Variants in RBMS3 observed in about 807,000 individuals in gnomAD.
RBMS3 encodes RNA binding motif single stranded interacting protein 3, also known as RNA-binding motif, single-stranded-interacting protein 3.
A neutral mutation model predicts 66.8 loss-of-function variants in RBMS3; 27 were observed. That is an observed-to-expected ratio of 0.40 (90% confidence interval 0.30 to 0.56). The LOEUF is 0.56. Among genes scored for constraint, RBMS3 ranks in the 20% least tolerant of loss-of-function variants. The pLI is 0.40. For missense variants in RBMS3, 513 were observed against 549.5 expected, an observed-to-expected ratio of 0.93 and a Z score of 0.66; for synonymous variants, 188 against 183.0, an observed-to-expected ratio of 1.03 and a Z score of -0.22.
intron 1 of RBMS3, among the ~76,000 whole-genome samples, chr3:29,401,159 C>T (rs184568909): frequency 2.0e-5 from 3 of 151,898 alleles, no homozygotes; most frequent in Non-Finnish European, 4.4e-5. Flanking sequence ...CAATCCAGTT[C>T]GCTAGGAGTT....
At chr3:29,913,232 A>G (rs2060559904) in intron 10 of RBMS3, among the ~76,000 whole-genome samples, 1 of 152,016 alleles carries the variant, frequency 6.6e-6, no homozygotes, top group Non-Finnish European at 1.5e-5. Context: ...GCATAAATTG[A>G]TGATTTGGCA....
chr3:29,521,964 T>C (rs1036817999), intron 3 of RBMS3, among the ~76,000 whole-genome samples: 1 of 152,232 alleles, frequency 6.6e-6, no homozygotes, highest in African/African-American at 2.4e-5. Context: ...TTAATTTGGT[T>C]TGGCCATGCA....
At chr3:29,743,099 T>C (rs988183371) in intron 5 of RBMS3, among the ~76,000 whole-genome samples, 12 of 152,180 alleles carry the variant, frequency 7.9e-5, no homozygotes, top group Admixed American at 2.0e-4. Flanking sequence ...TTAGCCTAAT[T>C]TGATGGGGTG....
intron 10 of RBMS3, among the ~76,000 whole-genome samples, chr3:29,917,061 A>G (rs2060654843): frequency 1.3e-5 from 2 of 152,036 alleles, no homozygotes; most frequent in South Asian, 2.1e-4. Flanking sequence ...TCATTCCTCT[A>G]TTCATTCAAC....
chr3:29,762,916 G>A lies in RBMS3; in HGVS notation c.564G>A (p.Glu188=). ...VSRGVGFARM[E]STEKCEVVIQ... ...GTTTACCTTTTTTTCCCAGAATGGA[G>A]TCTACTGAAAAATGTGAAGTGGTAA... The change falls in exon 6 of 15, where the codon GAG becomes GAA. Residue 188 remains glutamate, a synonymous_variant. Transcript: ENST00000383767. 2.5e-6 allele frequency: 4 copies of A among 1,604,882 alleles called. No homozygotes were observed. The highest frequency in any genetic ancestry group is 1.3e-5 in the African/African-American group (1 of 74,528).
At chr3:29,618,861 CAAG>C (rs1159143739) in intron 4 of RBMS3, among the ~76,000 whole-genome samples, 1 of 152,116 alleles carries the variant, frequency 6.6e-6, no homozygotes, top group Non-Finnish European at 1.5e-5. Context: ...CCTATTCCAA[CAAG>C]AACAATGACA....
intron 3 of RBMS3, among the ~76,000 whole-genome samples, chr3:29,555,633 A>G (rs35885): frequency 0.54 from 82,369 of 151,964 alleles, 23,032 homozygotes; most frequent in Middle Eastern, 0.66. Flanking sequence ...AAGAAATCAG[A>G]ATGTTTATCC....
At chr3:29,310,730 A>G (rs564450126) in intron 1 of RBMS3, among the ~76,000 whole-genome samples, 50 of 151,832 alleles carry the variant, frequency 3.3e-4, no homozygotes, top group African/African-American at 1.0e-3. Context: ...GAAGGGAAAG[A>G]TCACTCAAGA....
intron 1 of RBMS3, among the ~76,000 whole-genome samples, chr3:29,358,821 G>T (rs1459260624): frequency 6.6e-6 from 1 of 152,160 alleles, no homozygotes; most frequent in African/African-American, 2.4e-5. Flanking sequence ...GTGAATGGGA[G>T]TTCACTCATG....
chr3:29,557,858 G>A (rs550387737), intron 3 of RBMS3, among the ~76,000 whole-genome samples: 68 of 152,328 alleles, frequency 4.5e-4, no homozygotes, highest in South Asian at 1.2e-3. Context: ...CTGAAGACAA[G>A]AGGAAGAGCA....
intron 12 of RBMS3, among the ~76,000 whole-genome samples, chr3:29,956,404 T>C (rs1207067744): frequency 6.6e-6 from 1 of 152,118 alleles, no homozygotes; most frequent in Non-Finnish European, 1.5e-5. Flanking sequence ...CCTCGCTATC[T>C]TCTCTCCAAC....
At chr3:29,807,489 A>G (rs2057593348) in intron 6 of RBMS3, among the ~76,000 whole-genome samples, 1 of 151,964 alleles carries the variant, frequency 6.6e-6, no homozygotes, top group African/African-American at 2.4e-5. Context: ...TCCCACAGAA[A>G]TAATAGCATG....
At chr3:29,664,025 T>G (rs1253275089) in intron 4 of RBMS3, among the ~76,000 whole-genome samples, 2 of 152,182 alleles carry the variant, frequency 1.3e-5, no homozygotes, top group Non-Finnish European at 2.9e-5. Context: ...ATCATTGAAT[T>G]GATATATAAG....
intron 2 of RBMS3, among the ~76,000 whole-genome samples, chr3:29,487,341 G>A (rs971919327): frequency 2.0e-5 from 3 of 152,048 alleles, no homozygotes; most frequent in East Asian, 1.9e-4. Context: ...AAAAAGCTTC[G>A]AACAGGTGAG....
intron 4 of RBMS3, among the ~76,000 whole-genome samples, chr3:29,594,429 C>A (rs2047872668): frequency 6.6e-6 from 1 of 152,098 alleles, no homozygotes; most frequent in African/African-American, 2.4e-5. Flanking sequence ...AACTGTGATT[C>A]CAAAGAAAAT....
intron 5 of RBMS3, 130 bp from the exon 6 acceptor site, chr3:29,762,780 T>C (rs560451954): frequency 5.9e-5 from 39 of 662,254 alleles, no homozygotes; most frequent in Non-Finnish European, 9.7e-5. Flanking sequence ...ATCATGTTCA[T>C]GAAAAAAGTT....
intron 4 of RBMS3, among the ~76,000 whole-genome samples, chr3:29,696,520 A>C (rs2149280874): frequency 6.6e-6 from 1 of 152,306 alleles, no homozygotes; most frequent in Non-Finnish European, 1.5e-5. Flanking sequence ...CTGTATGAGA[A>C]CTGGAAAGGA....
chr3:29,356,261 T>C (rs1413511326), intron 1 of RBMS3, among the ~76,000 whole-genome samples: 2 of 152,186 alleles, frequency 1.3e-5, no homozygotes, highest in Non-Finnish European at 2.9e-5. Flanking sequence ...TTGCATTGTC[T>C]CTTTCTTTTG....
intron 1 of RBMS3, among the ~76,000 whole-genome samples, chr3:29,390,404 G>A (rs2125642542): frequency 6.6e-6 from 1 of 152,240 alleles, no homozygotes; most frequent in South Asian, 2.1e-4. Flanking sequence ...AGTCAAATAA[G>A]CTGGGAAGGC....
Sources: gnomAD v4.1 joint callset for allele counts (sites outside exome capture counted in the v4.1 genomes callset) on GRCh38, gnomAD v4.1.1 for gene constraint, MANE v1.5 for transcripts, NCBI Gene and HGNC (gene_info 2026-07-23, HGNC 2026-07-21) for gene names.